CTDSPL: variants seen among roughly 807,000 people sequenced by gnomAD.
The protein encoded by CTDSPL is CTD small phosphatase-like protein.
In CTDSPL, 8 loss-of-function variants were observed where a neutral mutation model predicts 30.5. The observed-to-expected ratio is 0.26, with a 90% confidence interval of 0.15 to 0.47. The LOEUF (loss-of-function observed/expected upper bound fraction) is 0.47. CTDSPL is among the 20% of genes least tolerant of loss of function. The probability of loss-of-function intolerance (pLI) is 0.99; values close to 1 mark genes in which losing one functional copy is unlikely to be tolerated. For missense variants in CTDSPL, 248 were observed against 366.1 expected (o/e 0.68, Z 2.63); for synonymous variants, 110 against 137.9 (o/e 0.80, Z 1.42).
chr3:37,925,404 T>C (rs1252701612), intron 1 of CTDSPL, among the ~76,000 whole-genome samples: 2 of 152,170 alleles, frequency 1.3e-5, no homozygotes, highest in Non-Finnish European at 2.9e-5. Flanking sequence ...CCCGGACTCA[T>C]TGAGCTTTCT....
chr3:37,952,557 A>G (rs1699122575), intron 2 of CTDSPL, among the ~76,000 whole-genome samples: 1 of 152,258 alleles, frequency 6.6e-6, no homozygotes, highest in African/African-American at 2.4e-5. Flanking sequence ...AAAACCCAGG[A>G]GACTTCTGCT....
chr3:37,874,173 G>A (rs1698107379), intron 1 of CTDSPL, among the ~76,000 whole-genome samples: 1 of 152,180 alleles, frequency 6.6e-6, no homozygotes, highest in South Asian at 2.1e-4. Flanking sequence ...AGGTCTTTGG[G>A]CTCTAGAAAC....
intron 1 of CTDSPL, among the ~76,000 whole-genome samples, chr3:37,917,125 C>T (rs1190422690): frequency 6.6e-6 from 1 of 152,210 alleles, no homozygotes. Context: ...ACATATTCGT[C>T]TGTTCATTCA....
intron 2 of CTDSPL, 30 bp from the exon 3 acceptor site, chr3:37,957,081 G>A (rs764949755): frequency 6.3e-6 from 10 of 1,589,112 alleles, no homozygotes; most frequent in Non-Finnish European, 8.6e-6. Flanking sequence ...CTTCGAACCT[G>A]ACAATGATTT....
In CTDSPL at chr3:37,967,957, A is replaced by G. The variant is rs1302083837; in HGVS notation, c.426+75A>G. 7.1e-6 allele frequency: 7 copies of G among 986,204 alleles called. No homozygotes were observed. The African/African-American group carries it at 1.2e-4, about 16-fold the overall frequency. The allele number at this position is 986,204 out of a possible 1,614,324, so 61.1% of individuals were successfully genotyped here. A position where few individuals can be genotyped will look rare whatever the true frequency, so the allele number is the denominator to read the frequency against. ...TACATTTCCTATGAACTTTATTTCT[A>G]AATTCTCATTTCAGTAATAACTTTA... On this transcript the variant is annotated intron_variant, in intron 5 of 7. Transcript: ENST00000273179.
Position 37,960,420 on chromosome 3 carries a change from C to T in CTDSPL, c.267+3277C>T, listed in dbSNP as rs542989153. ...ACTTGAACCCGGGAGGTGGAGGTTGCGGTGTGCTGAGATCATGCCATTGCA... is the reference window on the plus strand; with the variant it reads ...ACTTGAACCCGGGAGGTGGAGGTTGTGGTGTGCTGAGATCATGCCATTGCA... On this transcript the variant is annotated intron_variant, in intron 3 of 7. Coordinates refer to ENST00000273179, the MANE Select transcript of CTDSPL (RefSeq NM_001008392.2). 3.7e-3 allele frequency among the ~76,000 whole-genome samples: 478 copies of T among 129,680 alleles called. 3 individuals are homozygous for T. Among genetic ancestry groups the T allele is most frequent in the African/African-American group, 0.013 (448 of 34,002 alleles). The allele number at this position is 129,680 out of a possible 152,430, so 85.1% of individuals were successfully genotyped here.
chr3:37,952,299 T>A (rs964675017), intron 2 of CTDSPL, among the ~76,000 whole-genome samples: 2 of 152,218 alleles, frequency 1.3e-5, no homozygotes, highest in African/African-American at 4.8e-5. Context: ...GGGGATTATT[T>A]TTCTCACATA....
At chr3:37,957,282 A>G in intron 3 of CTDSPL, 139 bp downstream of exon 3, 1 of 576,734 alleles carries the variant, frequency 1.7e-6, no homozygotes, top group Non-Finnish European at 2.9e-6. Context: ...CTGTTCTGTT[A>G]AAAAGAAAAC....
At chr3:37,934,939 A>G (rs900174065) in intron 1 of CTDSPL, among the ~76,000 whole-genome samples, 1 of 151,614 alleles carries the variant, frequency 6.6e-6, no homozygotes. Flanking sequence ...AGGTCCCTGT[A>G]CCCCTGGAGC....
rs933933761 is a variant in CTDSPL, at chr3:37,939,093, T to G, written c.80-7964T>G. 1.3e-4 allele frequency among the ~76,000 whole-genome samples: 20 copies of G among 150,202 alleles called. 1 individual carries two copies. Among genetic ancestry groups the G allele is most frequent in the Non-Finnish European group, 1.8e-4 (12 of 67,014 alleles). On this transcript the variant is annotated intron_variant, in intron 1 of 7. Transcript: ENST00000273179. ...AAACAAAATGGATCTGCCTACATGT[T>G]TTTTCATAAAGCCAGGCTGTTTTTG...
chr3:37,876,879 G>A (rs1201850191), intron 1 of CTDSPL, among the ~76,000 whole-genome samples: 4 of 151,532 alleles, frequency 2.6e-5, no homozygotes, highest in Admixed American at 1.3e-4. Context: ...AGGCTGAGGC[G>A]GGTGGATCAC....
intron 1 of CTDSPL, among the ~76,000 whole-genome samples, chr3:37,915,278 G>T (rs1235129741): frequency 6.6e-6 from 1 of 151,954 alleles, no homozygotes; most frequent in Non-Finnish European, 1.5e-5. Flanking sequence ...ACTATGATTT[G>T]CTTAGGTATA....
At chr3:37,920,912 C>T (rs79649496) in intron 1 of CTDSPL, among the ~76,000 whole-genome samples, 1,770 of 152,322 alleles carry the variant, frequency 0.012, 31 homozygotes, top group African/African-American at 0.039. Flanking sequence ...ACCTGTGAGA[C>T]CTGCTTCCCC....
At chr3:37,868,621 G>A (rs1698039142) in intron 1 of CTDSPL, among the ~76,000 whole-genome samples, 1 of 151,988 alleles carries the variant, frequency 6.6e-6, no homozygotes, top group Non-Finnish European at 1.5e-5. Flanking sequence ...TTGTCTCTGA[G>A]TGTCTGGTTG....
At chr3:37,954,621 C>T (rs927986996) in intron 2 of CTDSPL, 7 of 152,304 alleles carry the variant, frequency 4.6e-5, no homozygotes, top group African/African-American at 1.7e-4. Context: ...CAGATGACCT[C>T]TAGGGTTCCA....
At chr3:37,874,032 G>A (rs1021597517) in intron 1 of CTDSPL, among the ~76,000 whole-genome samples, 5 of 152,228 alleles carry the variant, frequency 3.3e-5, no homozygotes, top group Non-Finnish European at 7.4e-5. Context: ...ATCCATTTAA[G>A]TAAACAGAAA....
At position 37,981,070 on chromosome 3, in the gene CTDSPL, A is replaced by G. The variant is rs1699486133; in HGVS notation, c.*203A>G. ...AGAACTCTTTTAAGAAATTTCATAA[A>G]GGGACATGCATTTTACTGGGTTTGC... On this transcript the variant is annotated 3_prime_UTR_variant, in exon 8 of 8. Transcript: ENST00000273179. 1 of 420,930 alleles carries G rather than the reference A, an allele frequency of 2.4e-6. No individual in the cohort carries two copies. Among genetic ancestry groups the G allele is most frequent in the Non-Finnish European group, 3.9e-6 (1 of 256,586 alleles). 26.1% of individuals were successfully genotyped at this position (420,930 alleles called of 1,614,324 possible).
intron 1 of CTDSPL, among the ~76,000 whole-genome samples, chr3:37,899,181 G>C (rs1383235837): frequency 6.6e-6 from 1 of 152,176 alleles, no homozygotes; most frequent in Non-Finnish European, 1.5e-5. Flanking sequence ...GTCTTGGCTG[G>C]AGATGTAAAC....
intron 1 of CTDSPL, among the ~76,000 whole-genome samples, chr3:37,913,400 A>G (rs1698605714): frequency 6.6e-6 from 1 of 152,346 alleles, no homozygotes; most frequent in African/African-American, 2.4e-5. Flanking sequence ...TAAATGAGCA[A>G]ACAGAGCAAG....
Sources: gnomAD v4.1 joint callset for allele counts (sites outside exome capture counted in the v4.1 genomes callset) on GRCh38, gnomAD v4.1.1 for gene constraint, MANE v1.5 for transcripts, NCBI Gene and HGNC (gene_info 2026-07-23, HGNC 2026-07-21) for gene names.